MYT1L: variants seen among roughly 807,000 people sequenced by gnomAD.
MYT1L encodes the protein myelin transcription factor 1-like protein.
In MYT1L, 12 loss-of-function variants were observed where a neutral mutation model predicts 126.7. The observed-to-expected ratio is 0.09, with a 90% CI of 0.06 to 0.15. The LOEUF (loss-of-function observed/expected upper bound fraction) is 0.15, where lower values mean the gene tolerates loss of function less well. MYT1L is among the 10% of genes least tolerant of loss of function. The pLI is 1.00. For synonymous variants in MYT1L, 541 were observed against 604.2 expected (o/e 0.90, Z 1.53); for missense variants, 979 against 1,585.2 (o/e 0.62, Z 6.49).
At position 2,004,972 on chromosome 2, in the gene MYT1L, ATGCC is replaced by A. The variant is rs1558704896; in HGVS notation, c.-157-7629_-157-7626del. ...CTTTCCTGCATGCGTTCTTTCCTGCATGCCTTCTTTCCTGCAGGCGTTCTTTCCT... is the reference window on the plus strand; with the variant it reads ...CTTTCCTGCATGCGTTCTTTCCTGCATTCTTTCCTGCAGGCGTTCTTTCCT... On this transcript the variant is annotated intron_variant, in intron 4 of 24. Coordinates refer to ENST00000647738, the MANE Select transcript of MYT1L (RefSeq NM_001303052.2). Among the ~76,000 whole-genome samples, 227 of 119,164 alleles carry A rather than the reference ATGCC, an allele frequency of 1.9e-3. 2 individuals are homozygous for A. Among genetic ancestry groups the A allele is most frequent in the African/African-American group, 7.6e-3 (207 of 27,320 alleles). 78.2% of individuals were successfully genotyped at this position (119,164 alleles called of 152,430 possible). A position where few individuals can be genotyped will look rare whatever the true frequency, so the allele number is the denominator to read the frequency against.
chr2:1,885,026 T>C (rs1310776494), intron 18 of MYT1L, among the ~76,000 whole-genome samples: 4 of 152,194 alleles, frequency 2.6e-5, no homozygotes. Flanking sequence ...ATCCCTGCAG[T>C]CTCTGACCAG....
At position 2,130,576 on chromosome 2, in the gene MYT1L, C is replaced by T. The variant is rs148402457; in HGVS notation, c.-304+42296G>A. Reference sequence around the variant, plus strand: ...GGTGGAGTCAATTCAGGCTAAAATGCACCATGGGATACTCTGCTGCTATTT... The same window carrying T: ...GGTGGAGTCAATTCAGGCTAAAATGTACCATGGGATACTCTGCTGCTATTT... On this transcript the variant is annotated intron_variant, in intron 3 of 24. Transcript: ENST00000647738. Among the ~76,000 whole-genome samples, 60 of 152,256 alleles carry T rather than the reference C, an allele frequency of 3.9e-4. No individual in the cohort carries two copies. The Middle Eastern group carries it at 0.01, about 26-fold the overall frequency.
intron 2 of MYT1L, among the ~76,000 whole-genome samples, chr2:2,270,796 C>G (rs760758064): frequency 2.6e-5 from 4 of 152,124 alleles, no homozygotes; most frequent in Non-Finnish European, 4.4e-5. Context: ...GCCGTGCCCC[C>G]TCCCAGCCAG....
intron 2 of MYT1L, among the ~76,000 whole-genome samples, chr2:2,211,881 G>A (rs1311740347): frequency 1.3e-5 from 2 of 150,628 alleles, no homozygotes; most frequent in African/African-American, 2.4e-5. Context: ...AACTCTTTGT[G>A]GTACAAATGA....
chr2:1,987,990 C>T (rs2061175440), intron 5 of MYT1L, among the ~76,000 whole-genome samples: 1 of 152,234 alleles, frequency 6.6e-6, no homozygotes, highest in Non-Finnish European at 1.5e-5. Context: ...TTCATCTCTG[C>T]TCTTGGAGTA....
chr2:1,844,989 T>G (rs1484806243), intron 19 of MYT1L, among the ~76,000 whole-genome samples: 1 of 151,498 alleles, frequency 6.6e-6, no homozygotes, highest in African/African-American at 2.4e-5. Context: ...TTTTTTTTTT[T>G]TTTTTGAGAC....
chr2:1,905,832 A>G (rs1227001785), intron 13 of MYT1L, among the ~76,000 whole-genome samples: 1 of 152,228 alleles, frequency 6.6e-6, no homozygotes, highest in African/African-American at 2.4e-5. Flanking sequence ...CTGATGTGCA[A>G]ACAATATTTT....
intron 1 of MYT1L, among the ~76,000 whole-genome samples, chr2:2,323,242 T>TC (rs2096200991): frequency 2.0e-5 from 3 of 152,086 alleles, no homozygotes; most frequent in South Asian, 4.2e-4. Context: ...AATTTTCCCC[T>TC]CCCCCCAAAA....
intron 3 of MYT1L, among the ~76,000 whole-genome samples, chr2:2,172,437 C>T (rs1249134647): frequency 6.6e-6 from 1 of 152,248 alleles, no homozygotes; most frequent in African/African-American, 2.4e-5. Context: ...TCTAATTTAA[C>T]TGCAAAGGAC....
At chr2:2,104,122 T>C (rs914867937) in intron 3 of MYT1L, among the ~76,000 whole-genome samples, 2 of 152,226 alleles carry the variant, frequency 1.3e-5, no homozygotes, top group African/African-American at 4.8e-5. Context: ...TGAGAACAAT[T>C]TGTGCCATTC....
chr2:1,993,846 A>C (rs570206050), intron 5 of MYT1L, among the ~76,000 whole-genome samples: 2 of 152,186 alleles, frequency 1.3e-5, no homozygotes, highest in African/African-American at 4.8e-5. Context: ...GTGTCTCGTC[A>C]TTTCCTGGCC....
intron 4 of MYT1L, among the ~76,000 whole-genome samples, chr2:2,033,301 G>C (rs1398515066): frequency 7.8e-6 from 1 of 128,286 alleles, no homozygotes; most frequent in Non-Finnish European, 1.6e-5. Flanking sequence ...GCAGATTCTA[G>C]AAGGAGGGCC....
At chr2:1,954,260 C>T (rs910174802) in intron 8 of MYT1L, among the ~76,000 whole-genome samples, 2 of 152,166 alleles carry the variant, frequency 1.3e-5, no homozygotes, top group Non-Finnish European at 2.9e-5. Context: ...ACGGCAAACG[C>T]GAGGCTGCGT....
intron 4 of MYT1L, among the ~76,000 whole-genome samples, chr2:2,004,766 A>ACGTCCTTTCCTGCAGG (rs2062988784): frequency 9.1e-6 from 1 of 109,398 alleles, no homozygotes; most frequent in African/African-American, 3.7e-5. Flanking sequence ...TTTCCTGAAT[A>ACGTCCTTTCCTGCAGG]CGTTCTTTCC....
chr2:2,029,729 T>C (rs1432765777), intron 4 of MYT1L, among the ~76,000 whole-genome samples: 1 of 152,240 alleles, frequency 6.6e-6, no homozygotes, highest in Non-Finnish European at 1.5e-5. Flanking sequence ...TGTATTTCAC[T>C]GAAAATATAT....
intron 3 of MYT1L, among the ~76,000 whole-genome samples, chr2:2,162,577 T>C (rs764823185): frequency 2.6e-5 from 4 of 152,158 alleles, no homozygotes; most frequent in Non-Finnish European, 4.4e-5. Flanking sequence ...GGTCTGGATC[T>C]GACTCTGACT....
intron 20 of MYT1L, among the ~76,000 whole-genome samples, chr2:1,839,714 G>C (rs2041397730): frequency 6.6e-6 from 1 of 152,224 alleles, no homozygotes; most frequent in Non-Finnish European, 1.5e-5. Flanking sequence ...ACCACTTTGG[G>C]ACAGAACCAT....
At chr2:2,156,627 C>T (rs761044106) in intron 3 of MYT1L, among the ~76,000 whole-genome samples, 16 of 152,180 alleles carry the variant, frequency 1.1e-4, no homozygotes, top group African/African-American at 2.4e-4. Context: ...CCAGAGGAGA[C>T]GAAGGCTGGC....
At chr2:2,107,484 G>A (rs766638146) in intron 3 of MYT1L, among the ~76,000 whole-genome samples, 5 of 152,302 alleles carry the variant, frequency 3.3e-5, no homozygotes, top group South Asian at 2.1e-4. Flanking sequence ...AAGCATTTGC[G>A]GGACTCTGGT....
Sources: allele counts gnomAD v4.1 joint callset (sites outside exome capture counted in the v4.1 genomes callset), GRCh38; gene constraint gnomAD v4.1.1; transcripts MANE v1.5; gene names NCBI Gene and HGNC (gene_info 2026-07-23, HGNC 2026-07-21).